Variants in QSER1 observed in about 807,000 individuals in gnomAD.
QSER1 encodes the protein glutamine and serine rich 1, also known as glutamine and serine-rich protein 1.
A neutral mutation model predicts 158.5 loss-of-function variants in QSER1; 49 were observed. The ratio of observed to expected loss-of-function variants is 0.31; its 90% confidence interval spans 0.25 to 0.39. QSER1 has a LOEUF of 0.39. Ranked by LOEUF, QSER1 falls within the 10% of genes least tolerant of loss-of-function variation. The probability of loss-of-function intolerance (pLI) is 1.00; values close to 1 mark genes in which losing one functional copy is unlikely to be tolerated. For missense variants in QSER1, 1,754 were observed against 2,010.3 expected (o/e 0.87, Z 2.44); for synonymous variants, 650 against 715.5 (o/e 0.91, Z 1.46).
intron 4 of QSER1, among the ~76,000 whole-genome samples, chr11:32,942,924 A>G (rs1852265265): frequency 6.6e-6 from 1 of 152,148 alleles, no homozygotes; most frequent in Non-Finnish European, 1.5e-5. Flanking sequence ...AGCGGTTTGT[A>G]GTTCTCCTTG....
intron 7 of QSER1, 21 bp downstream of exon 7, chr11:32,956,142 T>C: frequency 1.3e-6 from 2 of 1,591,662 alleles, no homozygotes; most frequent in Non-Finnish European, 1.7e-6. Context: ...TCTTAGGTGA[T>C]ATATTTGTGC....
intron 5 of QSER1, among the ~76,000 whole-genome samples, chr11:32,954,552 T>C (rs1007265856): frequency 2.0e-5 from 3 of 152,210 alleles, no homozygotes; most frequent in Non-Finnish European, 2.9e-5. Context: ...AAAAGTAGAA[T>C]TAGATTTAAT....
At chr11:32,975,084 ATTC>A (rs1852948288) in intron 11 of QSER1, among the ~76,000 whole-genome samples, 161 bp from the exon 12 acceptor site, 1 of 152,110 alleles carries the variant, frequency 6.6e-6, no homozygotes, top group Admixed American at 6.6e-5. Context: ...TATAATTTAA[ATTC>A]TTATTTTGAA....
chr11:32,927,727 C>T lies in QSER1; in HGVS notation c.323-235C>T, dbSNP rs114789343. 5.1e-3 allele frequency among the ~76,000 whole-genome samples: 776 copies of T among 152,132 alleles called. 10 individuals carry two copies. The highest frequency in any genetic ancestry group is 0.018 in the African/African-American group (732 of 41,518). ...CGACCAAAGCTTTGGTTTTTACCAACGGAATATTTATATAATTAATAAATT... is the reference window on the plus strand; with the variant it reads ...CGACCAAAGCTTTGGTTTTTACCAATGGAATATTTATATAATTAATAAATT... On this transcript the variant is annotated intron_variant, in intron 2 of 12. Coordinates refer to ENST00000650167, the MANE Select transcript of QSER1 (RefSeq NM_001076786.3).
Position 32,934,087 on chromosome 11 carries a change from T to C in QSER1, c.2829T>C (p.His943=), listed in dbSNP as rs987565535. The change falls in exon 4 of 13, where the codon CAT becomes CAC. Residue 943 remains histidine (H), a synonymous_variant. Transcript: ENST00000650167. ...PLQQHLTTKG[H]FSETNQHDSK... is the part of the protein sequence containing the mutation. ...AACAACATCTAACAACAAAGGGCCA[T>C]TTTAGTGAAACAAATCAACATGATT... is the stretch of plus-strand genomic sequence containing the variant. 5 of 1,613,882 alleles carry C rather than the reference T, an allele frequency of 3.1e-6. No individual in the cohort carries two copies. In the Admixed American group the frequency reaches 5.0e-5, roughly 16 times the overall value.
At chr11:32,937,581 C>T (rs1852171670) in intron 4 of QSER1, among the ~76,000 whole-genome samples, 1 of 152,194 alleles carries the variant, frequency 6.6e-6, no homozygotes, top group Non-Finnish European at 1.5e-5. Context: ...AGCCACTGCG[C>T]CTGGCCTAGA....
intron 1 of QSER1, among the ~76,000 whole-genome samples, chr11:32,919,906 A>G (rs1399225047): frequency 6.6e-6 from 1 of 152,162 alleles, no homozygotes; most frequent in Admixed American, 6.5e-5. Flanking sequence ...ACTCTTTTCA[A>G]ATAGCTTGTG....
At chr11:32,895,685 C>T (rs1402739703) in intron 1 of QSER1, among the ~76,000 whole-genome samples, 1 of 152,192 alleles carries the variant, frequency 6.6e-6, no homozygotes, top group East Asian at 1.9e-4. Context: ...CTGTCTGTCA[C>T]CTTGTTTCCT....
intron 7 of QSER1, among the ~76,000 whole-genome samples, chr11:32,957,343 G>A (rs930485438): frequency 6.6e-6 from 1 of 151,578 alleles, no homozygotes; most frequent in Non-Finnish European, 1.5e-5. Context: ...GTTTCACTAT[G>A]TTGGCCAGGC....
intron 1 of QSER1, among the ~76,000 whole-genome samples, chr11:32,905,765 A>T (rs1430393610): frequency 6.6e-6 from 1 of 152,168 alleles, no homozygotes; most frequent in Non-Finnish European, 1.5e-5. Flanking sequence ...AATCTAGTAT[A>T]CCAGCTAATT....
chr11:32,932,830 A>T lies in QSER1; in HGVS notation c.1572A>T (p.Ser524=). 1.2e-6 allele frequency: 2 copies of T among 1,614,048 alleles called. No individual in the cohort carries two copies. Among genetic ancestry groups the T allele is most frequent in the Non-Finnish European group, 1.7e-6 (2 of 1,179,974 alleles). Residue 524 remains serine (S), a synonymous_variant, in exon 4 of 13, where the codon TCA becomes TCT. Transcript: ENST00000650167. ...VTPENQTLNY[S]SNQQEVLSSV... is the part of the protein sequence containing the mutation. ...CTGAAAATCAGACGCTTAATTATTCATCTAATCAGCAAGAGGTATTGTCTT... is the reference window on the plus strand; with the variant it reads ...CTGAAAATCAGACGCTTAATTATTCTTCTAATCAGCAAGAGGTATTGTCTT...
chr11:32,897,968 C>T (rs558860254), intron 1 of QSER1, among the ~76,000 whole-genome samples: 1 of 152,286 alleles, frequency 6.6e-6, no homozygotes, highest in South Asian at 2.1e-4. Flanking sequence ...CTTTTGTATC[C>T]ACTGCTCCAG....
Position 32,935,199 on chromosome 11 carries a change from G to A in QSER1, c.3941G>A (p.Arg1314His), listed in dbSNP as rs771671291. The A allele has an allele frequency of 3.2e-5, 52 of 1,613,788 alleles. 1 individual carries two copies. The highest frequency in any genetic ancestry group is 2.9e-4 in the South Asian group (26 of 91,060). ...AGACGGCCAGGGACCCAGATGGTTC[G>A]TACATTTTGTCCCCCACCACTTCCC... is the stretch of plus-strand genomic sequence containing the variant. ...RTRRPGTQMVRTFCPPPLPKP... is the reference protein window; with the variant it reads ...RTRRPGTQMVHTFCPPPLPKP... The change falls in exon 4 of 13, where the codon CGT (arginine) becomes CAT (histidine). Residue 1314 changes from arginine to histidine, a missense_variant. Around this residue, in one of 2 missense-constraint regions of QSER1, gnomAD observed 1,707 missense variants for 1,919.6 expected, o/e 0.89. Transcript: ENST00000650167.
intron 4 of QSER1, among the ~76,000 whole-genome samples, chr11:32,944,764 G>T (rs1159120689): frequency 2.1e-5 from 3 of 139,792 alleles, no homozygotes; most frequent in African/African-American, 8.1e-5. Flanking sequence ...ACTTGGTGCA[G>T]AGCTGAGTTC....
intron 7 of QSER1, 34 bp from the exon 8 acceptor site, chr11:32,957,835 A>T: frequency 6.7e-7 from 1 of 1,492,968 alleles, no homozygotes; most frequent in Non-Finnish European, 9.2e-7. Flanking sequence ...ACAAGATTTC[A>T]GTGTGTTAAT....
At chr11:32,898,529 C>CAT (rs1181559378) in intron 1 of QSER1, among the ~76,000 whole-genome samples, 1 of 140,444 alleles carries the variant, frequency 7.1e-6, no homozygotes, top group East Asian at 2.2e-4. Flanking sequence ...CACACACACA[C>CAT]ATTGTAATGT....
intron 1 of QSER1, among the ~76,000 whole-genome samples, chr11:32,898,219 G>A (rs565205905): frequency 6.6e-5 from 10 of 152,260 alleles, no homozygotes; most frequent in Non-Finnish European, 1.0e-4. Context: ...GATATCTCAC[G>A]CCTGTAATCC....
At chr11:32,917,955 T>C (rs1485783284) in intron 1 of QSER1, among the ~76,000 whole-genome samples, 1 of 152,180 alleles carries the variant, frequency 6.6e-6, no homozygotes, top group African/African-American at 2.4e-5. Flanking sequence ...TGGCCTTATA[T>C]GAAATCCTGA....
At chr11:32,896,678 C>T (rs138136878) in intron 1 of QSER1, among the ~76,000 whole-genome samples, 2,816 of 152,220 alleles carry the variant, frequency 0.018, 42 homozygotes, top group South Asian at 0.038. Context: ...TGTGAGCCAC[C>T]GTGCCTGGCC....
Sources: gnomAD v4.1 joint callset for allele counts (sites outside exome capture counted in the v4.1 genomes callset) on GRCh38, gnomAD v4.1.1 for gene constraint, gnomAD v4.1.1 regional missense constraint, MANE v1.5 for transcripts, NCBI Gene and HGNC (gene_info 2026-07-23, HGNC 2026-07-21) for gene names.